Variants in TEX36 observed in about 807,000 individuals in gnomAD.
TEX36 encodes the protein testis expressed 36.
TEX36 carries 12 observed loss-of-function variants against 13.6 expected under a neutral mutation model. The observed-to-expected ratio is 0.88, with a 90% CI of 0.56 to 1.43. The LOEUF (loss-of-function observed/expected upper bound fraction) is 1.43, where lower values mean the gene tolerates loss of function less well. Among genes scored for constraint, TEX36 ranks in the 40% most tolerant of loss-of-function variants. TEX36 has a pLI of 0.00. For missense variants in TEX36, 224 were observed against 228.3 expected, an observed-to-expected ratio of 0.98 and a Z score of 0.12; for synonymous variants, 93 against 83.0, an observed-to-expected ratio of 1.12 and a Z score of -0.65.
intron 3 of TEX36, among the ~76,000 whole-genome samples, chr10:125,604,352 T>G (rs1846188899): frequency 1.3e-5 from 2 of 152,170 alleles, no homozygotes; most frequent in South Asian, 2.1e-4. Flanking sequence ...TTGTGAACTG[T>G]GCATGCAAGG....
chr10:125,652,735 C>G (rs1846879405), downstream of TEX36, among the ~76,000 whole-genome samples: 1 of 152,114 alleles, frequency 6.6e-6, no homozygotes, highest in African/African-American at 2.4e-5. Context: ...ACAATCTACC[C>G]ATCTGACAAA....
intron 2 of TEX36, among the ~76,000 whole-genome samples, chr10:125,661,613 G>T (rs111451019): frequency 6.6e-6 from 1 of 152,168 alleles, no homozygotes; most frequent in Non-Finnish European, 1.5e-5. Flanking sequence ...GGGCTGGAAG[G>T]GGGTGTTGCT....
chr10:125,585,219 G>T (rs1319567369), intron 3 of TEX36, among the ~76,000 whole-genome samples: 2 of 152,170 alleles, frequency 1.3e-5, no homozygotes, highest in African/African-American at 4.8e-5. Flanking sequence ...GTCCCGAGGG[G>T]CTGCGAGGAG....
Position 125,661,081 on chromosome 10 carries a change from G to C in TEX36, c.204C>G (p.Phe68Leu). Residue 68 changes from phenylalanine (F) to leucine (L), a missense_variant, in exon 3 of 4, where the codon TTC becomes TTG. Transcript: ENST00000368821. ...GCCGATTGTCATGCACGGAGAAGGGGAACTGGTTATTCACTGCTTGCTGGA... is the reference window on the plus strand; with the variant it reads ...GCCGATTGTCATGCACGGAGAAGGGCAACTGGTTATTCACTGCTTGCTGGA... ...VREKQAVNNQFPFSVHDNRHS... is the reference protein window; with the variant it reads ...VREKQAVNNQLPFSVHDNRHS... 1 of 1,552,020 alleles carries C rather than the reference G, an allele frequency of 6.4e-7. No homozygotes were observed. The highest frequency in any genetic ancestry group is 8.7e-7 in the Non-Finnish European group (1 of 1,147,052).
At chr10:125,647,972 G>A (rs1846797708) in intron 3 of TEX36, among the ~76,000 whole-genome samples, 1 of 152,208 alleles carries the variant, frequency 6.6e-6, no homozygotes, top group Non-Finnish European at 1.5e-5. Context: ...ATCCACCATT[G>A]CTGAGGCTTG....
intron 3 of TEX36, among the ~76,000 whole-genome samples, chr10:125,609,157 G>GAA (rs1846258184): frequency 1.9e-5 from 2 of 102,900 alleles, no homozygotes; most frequent in African/African-American, 6.5e-5. Context: ...TCCATCTCAG[G>GAA]AAAAAACAAA....
rs190722385 is a variant in TEX36, at chr10:125,678,282, C to T, written c.51+4657G>A. 1.5e-3 allele frequency among the ~76,000 whole-genome samples: 224 copies of T among 152,296 alleles called. 1 individual carries two copies. The highest frequency in any genetic ancestry group is 5.1e-3 in the African/African-American group (214 of 41,566). On this transcript the variant is annotated intron_variant, in intron 1 of 3. Coordinates refer to ENST00000368821, the MANE Select transcript of TEX36 (RefSeq NM_001128202.3). ...TGCAGGCTTTATATGATTTCTTTGT[C>T]TGTAACCACAATTAGTGGTACCTGT... is the stretch of plus-strand genomic sequence containing the variant.
chr10:125,604,132 C>A (rs1846183705), intron 3 of TEX36, among the ~76,000 whole-genome samples: 1 of 152,108 alleles, frequency 6.6e-6, no homozygotes, highest in Non-Finnish European at 1.5e-5. Context: ...GTGACCAGAG[C>A]CAGGAGAAAG....
chr10:125,654,196 T>G (rs1272912383), downstream of TEX36, among the ~76,000 whole-genome samples: 1 of 152,094 alleles, frequency 6.6e-6, no homozygotes, highest in Non-Finnish European at 1.5e-5. Context: ...GAATATTTAT[T>G]TATTTATTAT....
chr10:125,671,535 G>A (rs928119931), intron 1 of TEX36, among the ~76,000 whole-genome samples: 6 of 152,164 alleles, frequency 3.9e-5, no homozygotes, highest in African/African-American at 1.4e-4. Context: ...CAGTTTGCCA[G>A]TATTTTATTG....
At chr10:125,604,672 TGTG>T (rs1322776420) in intron 3 of TEX36, among the ~76,000 whole-genome samples, 1 of 151,972 alleles carries the variant, frequency 6.6e-6, no homozygotes, top group Admixed American at 6.6e-5. Context: ...ATTAGCCAGG[TGTG>T]GTGACATGTG....
chr10:125,582,728 T>C (rs1845898307), intron 3 of TEX36, among the ~76,000 whole-genome samples: 1 of 152,202 alleles, frequency 6.6e-6, no homozygotes, highest in African/African-American at 2.4e-5. Flanking sequence ...CTTCTTGAAG[T>C]GGTATTTTTC....
intron 3 of TEX36, among the ~76,000 whole-genome samples, chr10:125,635,900 G>A (rs1258680854): frequency 6.6e-6 from 1 of 151,896 alleles, no homozygotes; most frequent in African/African-American, 2.4e-5. Flanking sequence ...TTGAGACAAG[G>A]TCAAGCTCTG....
intron 3 of TEX36, among the ~76,000 whole-genome samples, chr10:125,625,160 A>T (rs1328216419): frequency 6.6e-6 from 1 of 152,198 alleles, no homozygotes; most frequent in Non-Finnish European, 1.5e-5. Context: ...GGACACGCAG[A>T]CGATATGCGT....
chr10:125,606,608 A>T (rs1249694040), intron 3 of TEX36, among the ~76,000 whole-genome samples: 11 of 152,318 alleles, frequency 7.2e-5, no homozygotes, highest in Admixed American at 6.5e-4. Flanking sequence ...GGAAGTCAGC[A>T]GGGACCAGAG....
intron 1 of TEX36, among the ~76,000 whole-genome samples, chr10:125,675,447 G>A (rs1052118429): frequency 7.2e-5 from 11 of 152,158 alleles, no homozygotes; most frequent in East Asian, 3.9e-4. Context: ...CCAGGAACTC[G>A]GTAGTCTTAG....
At chr10:125,662,761 C>A (rs528731451) in intron 1 of TEX36, among the ~76,000 whole-genome samples, 5 of 152,236 alleles carry the variant, frequency 3.3e-5, no homozygotes, top group Admixed American at 2.6e-4. Flanking sequence ...CAGAAGAAGG[C>A]GTGACCCTAG....
chr10:125,587,831 G>GAC (rs896017694), intron 3 of TEX36, among the ~76,000 whole-genome samples: 2 of 144,916 alleles, frequency 1.4e-5, no homozygotes, highest in African/African-American at 2.5e-5. Flanking sequence ...ACATGAAGCA[G>GAC]ACACACACAC....
chr10:125,611,526 T>C lies in TEX36; in HGVS notation c.265-34652A>G, dbSNP rs576316839. On this transcript the variant is annotated intron_variant, in intron 3 of 3. Transcript: ENST00000532135. ...ACTTGTTTTAATGTGTGTGTGAGACTGTCCAGTTCTAAGCCCGTTTTTTAT... is the reference window on the plus strand; with the variant it reads ...ACTTGTTTTAATGTGTGTGTGAGACCGTCCAGTTCTAAGCCCGTTTTTTAT... Among the ~76,000 whole-genome samples, 19 of 152,370 alleles carry C rather than the reference T, an allele frequency of 1.2e-4. 1 individual carries two copies. In the South Asian group the frequency reaches 3.9e-3, roughly 32 times the overall value.
Sources: allele counts gnomAD v4.1 joint callset (sites outside exome capture counted in the v4.1 genomes callset), GRCh38; gene constraint gnomAD v4.1.1; transcripts MANE v1.5; gene names NCBI Gene and HGNC (gene_info 2026-07-23, HGNC 2026-07-21).